Variants in FZR1 observed in about 807,000 individuals in gnomAD.
FZR1 encodes fizzy-related protein homolog.
In FZR1, 11 loss-of-function variants were observed where a neutral mutation model predicts 63.6. The ratio of observed to expected loss-of-function variants is 0.17; its 90% CI spans 0.11 to 0.29. The LOEUF is 0.29. Ranked by LOEUF, FZR1 falls within the 10% of genes least tolerant of loss-of-function variation. FZR1 has a pLI of 1.00. For missense variants in FZR1, 440 were observed against 687.5 expected (o/e 0.64, Z 4.03); for synonymous variants, 328 against 297.9 (o/e 1.10, Z -1.04).
chr19:3,533,254 G>A lies in FZR1; in HGVS notation c.1243-40G>A, dbSNP rs376532935. On this transcript the variant is annotated intron_variant, in intron 11 of 13. Transcript: ENST00000441788. The surrounding 1 kb of genome is among the most constrained non-coding windows in gnomAD (Gnocchi z 4.9). ...GGCAGCAGGCATAGCACCCGGCCTC[G>A]TTGCCCCTCACCGACCGCAGCGCCC... The A allele has an allele frequency of 4.2e-5, 54 of 1,275,984 alleles. No individual in the cohort carries two copies. The highest frequency in any genetic ancestry group is 4.1e-4 in the East Asian group (18 of 43,418). 79.0% of individuals were successfully genotyped at this position (1,275,984 alleles called of 1,614,324 possible).
In FZR1 at chr19:3,514,406, C is replaced by T. The variant is rs10417758; in HGVS notation, c.-35+7932C>T. Among the ~76,000 whole-genome samples, 23,696 of 152,118 alleles carry T rather than the reference C, an allele frequency of 0.16. 1,985 individuals are homozygous for T. Among genetic ancestry groups the T allele is most frequent in the Middle Eastern group, 0.22 (65 of 294 alleles). On this transcript the variant is annotated intron_variant, in intron 1 of 13. Coordinates refer to ENST00000441788, the MANE Select transcript of FZR1 (RefSeq NM_016263.4). This position sits in a 1 kb window ranked among gnomAD's most constrained non-coding sequence, Gnocchi z 4.2. ...GCCGGATCGTTCTCTGGGGTGCGGC[C>T]GTCCTGGGCACTACAGGGTGCTGAG... is the stretch of plus-strand genomic sequence containing the variant.
At chr19:3,522,696 T>C (rs2083113822) in intron 1 of FZR1, among the ~76,000 whole-genome samples, 1 of 152,138 alleles carries the variant, frequency 6.6e-6, no homozygotes, top group Non-Finnish European at 1.5e-5. Flanking sequence ...TCCTGGGGCC[T>C]CCAGGGCAGA....
Position 3,527,773 on chromosome 19 carries a change from C to T in FZR1, c.613C>T (p.Leu205=), listed in dbSNP as rs1430262020. 1 of 1,612,802 alleles carries T rather than the reference C, an allele frequency of 6.2e-7. No homozygotes were observed. Among genetic ancestry groups the T allele is most frequent in the East Asian group, 2.2e-5 (1 of 44,880 alleles). ...GTCCCTCAATGTGCTCAGCGTGGGG[C>T]TAGGCACCTGCGTGTACCTGTGGAG... is the stretch of plus-strand genomic sequence containing the variant. ...WSSLNVLSVG[L]GTCVYLWSAC... is the part of the protein sequence containing the mutation. Residue 205 remains leucine, a synonymous_variant, in exon 7 of 14, where the codon CTA becomes TTA. Coordinates refer to ENST00000441788, the MANE Select transcript of FZR1 (RefSeq NM_016263.4).
chr19:3,532,254 G>C (rs2083255750), intron 10 of FZR1, among the ~76,000 whole-genome samples, 159 bp downstream of exon 10: 2 of 152,366 alleles, frequency 1.3e-5, no homozygotes, highest in South Asian at 4.1e-4. Context: ...AGCCAGTCCT[G>C]CCCTGTGGCA....
chr19:3,525,509 C>A lies in FZR1; in HGVS notation c.70-359C>A, dbSNP rs34119816. 0.27 allele frequency among the ~76,000 whole-genome samples: 36,650 copies of A among 134,372 alleles called. 6,468 individuals are homozygous for A. Among genetic ancestry groups the A allele is most frequent in the East Asian group, 0.83 (3,963 of 4,794 alleles). 88.2% of individuals were successfully genotyped at this position (134,372 alleles called of 152,430 possible). A position where few individuals can be genotyped will look rare whatever the true frequency, so the allele number is the denominator to read the frequency against. On this transcript the variant is annotated intron_variant, in intron 2 of 13. Transcript: ENST00000441788. This position sits in a 1 kb window ranked among gnomAD's most constrained non-coding sequence, Gnocchi z 4.2. ...CCAGGCTGGAGTGCAGTGGCACAAT[C>A]TTGGCTCACTGCAAGCTCCGCCTCC...
chr19:3,508,745 C>A (rs538943918), intron 1 of FZR1, among the ~76,000 whole-genome samples: 2 of 152,206 alleles, frequency 1.3e-5, no homozygotes, highest in African/African-American at 2.4e-5. Flanking sequence ...TTTCTCCTGG[C>A]GCAAAGCTCT....
rs555313226 is a variant in FZR1, at chr19:3,537,326, C to T, written c.*2490C>T. ...CTGTCAGCTCCACCCGACAGGCAGA[C>T]GAAGGCCAGTGGGGCCATCGCTTCC... is the stretch of plus-strand genomic sequence containing the variant. On this transcript the variant is annotated 3_prime_UTR_variant, in exon 14 of 14. Coordinates refer to ENST00000441788, the MANE Select transcript of FZR1 (RefSeq NM_016263.4). 3 of 152,258 alleles carry T rather than the reference C, an allele frequency of 2.0e-5. No homozygotes were observed. The highest frequency in any genetic ancestry group is 4.4e-5 in the Non-Finnish European group (3 of 68,108). 9.4% of individuals were successfully genotyped at this position (152,258 alleles called of 1,614,324 possible).
Position 3,537,088 on chromosome 19 carries a change from C to A in FZR1, c.*2252C>A. 6.6e-6 allele frequency: 1 copy of A among 152,662 alleles called. No individual in the cohort carries two copies. Among genetic ancestry groups the A allele is most frequent in the Non-Finnish European group, 1.5e-5 (1 of 68,204 alleles). The allele number at this position is 152,662 out of a possible 1,614,324, so 9.5% of individuals were successfully genotyped here. ...TGCTGGGCTGAGTTCACCCCCAGGG[C>A]TGGCCAGATGGGGCCAGGAGGGACA... On this transcript the variant is annotated 3_prime_UTR_variant, in exon 14 of 14. Transcript: ENST00000441788.
At chr19:3,507,454 A>C (rs2082992967) in intron 1 of FZR1, among the ~76,000 whole-genome samples, 1 of 151,382 alleles carries the variant, frequency 6.6e-6, no homozygotes, top group South Asian at 2.1e-4. Flanking sequence ...GTTCAGCCTA[A>C]ATCTGTTTTG....
At position 3,516,935 on chromosome 19, in the gene FZR1, G is replaced by A. The variant is rs1237491173; in HGVS notation, c.-34-6021G>A. On this transcript the variant is annotated intron_variant, in intron 1 of 13. Transcript: ENST00000441788. This position sits in a 1 kb window ranked among gnomAD's most constrained non-coding sequence, Gnocchi z 6.0. ...CCGTGTGCAGCTGCAGCTGGCGCCC[G>A]GTGTATTTGCTTTCAGTGCTGACTT... Among the ~76,000 whole-genome samples the A allele has an allele frequency of 5.9e-5, 9 of 152,250 alleles. 1 individual carries two copies. Among genetic ancestry groups the A allele is most frequent in the South Asian group, 4.1e-4 (2 of 4,838 alleles).
At chr19:3,531,515 G>A (rs1180956656) in intron 8 of FZR1, among the ~76,000 whole-genome samples, 199 bp from the exon 9 acceptor site, 1 of 152,264 alleles carries the variant, frequency 6.6e-6, no homozygotes, top group African/African-American at 2.4e-5. Context: ...CAGGCGCAGT[G>A]TGTGCGGGGT....
At chr19:3,510,526 A>G (rs2122107601) in intron 1 of FZR1, among the ~76,000 whole-genome samples, 1 of 152,332 alleles carries the variant, frequency 6.6e-6, no homozygotes, top group Middle Eastern at 3.4e-3. Context: ...TCTCTCCCAG[A>G]TCAGATTTGG....
chr19:3,523,511 G>A (rs894293582), intron 2 of FZR1, among the ~76,000 whole-genome samples: 3 of 152,212 alleles, frequency 2.0e-5, no homozygotes, highest in South Asian at 2.1e-4. Context: ...ACAGGGTCTC[G>A]GGGCTGGTGG....
intron 1 of FZR1, among the ~76,000 whole-genome samples, chr19:3,507,751 C>T (rs2082995620): frequency 6.6e-6 from 1 of 152,234 alleles, no homozygotes; most frequent in Non-Finnish European, 1.5e-5. Flanking sequence ...ACGGCATCAC[C>T]TAGGTTTGGT....
rs1432368763 is a variant in FZR1 at position 3,526,040 on chromosome 19, G to T, written c.195+47G>T. 6.2e-7 allele frequency: 1 copy of T among 1,611,750 alleles called. No individual in the cohort carries two copies. Among genetic ancestry groups the T allele is most frequent in the South Asian group, 1.1e-5 (1 of 91,068 alleles). On this transcript the variant is annotated intron_variant, in intron 3 of 13. Coordinates refer to ENST00000441788, the MANE Select transcript of FZR1 (RefSeq NM_016263.4). The surrounding 1 kb of genome is among the most constrained non-coding windows in gnomAD (Gnocchi z 5.4). ...AGATGGGACCCCCCGGGAAGCCCAG[G>T]GCCCCTCCCAGCCTCCTTGCTCTAG...
At chr19:3,522,688 C>T (rs997770548) in intron 1 of FZR1, among the ~76,000 whole-genome samples, 5 of 152,208 alleles carry the variant, frequency 3.3e-5, no homozygotes, top group Non-Finnish European at 7.4e-5. Flanking sequence ...CGCCTCCCTC[C>T]TGGGGCCTCC....
chr19:3,509,371 G>A (rs569181896), intron 1 of FZR1, among the ~76,000 whole-genome samples: 2 of 152,258 alleles, frequency 1.3e-5, no homozygotes, highest in South Asian at 4.1e-4. Flanking sequence ...CCCCCACAAC[G>A]GTGAACACCC....
At position 3,520,841 on chromosome 19, in the gene FZR1, G is replaced by C. The variant is rs1175964249; in HGVS notation, c.-34-2115G>C. 4.6e-5 allele frequency among the ~76,000 whole-genome samples: 7 copies of C among 152,242 alleles called. No individual in the cohort carries two copies. The East Asian group carries it at 1.3e-3, about 29-fold the overall frequency. On this transcript the variant is annotated intron_variant, in intron 1 of 13. Transcript: ENST00000441788. ...GGATGACAGGAGCAGCACCAAACCC[G>C]CATGGGTCTGTCCCTACCTGGTGAC...
intron 1 of FZR1, among the ~76,000 whole-genome samples, chr19:3,518,837 C>A (rs1381053729): frequency 2.0e-5 from 3 of 152,182 alleles, no homozygotes; most frequent in Non-Finnish European, 4.4e-5. Context: ...GCATTCCAGC[C>A]TGGGCGACAG....
Sources: allele counts gnomAD v4.1 joint callset (sites outside exome capture counted in the v4.1 genomes callset), GRCh38; gene constraint gnomAD v4.1.1; non-coding constraint Gnocchi (gnomAD v3.1); transcripts MANE v1.5; gene names NCBI Gene and HGNC (gene_info 2026-07-23, HGNC 2026-07-21).